The following CCS variants were observed in gnomAD, a reference collection of about 807,000 sequenced individuals.
CCS encodes superoxide dismutase copper chaperone.
CCS carries 32 observed loss-of-function variants against 35.5 expected under a neutral mutation model. That is an observed-to-expected ratio of 0.90 (90% CI 0.68 to 1.21). CCS has a LOEUF of 1.21. Among genes scored for constraint, CCS ranks in the 50% most tolerant of loss-of-function variants. The pLI is 0.00. For missense variants in CCS, 342 were observed against 375.4 expected (o/e 0.91, Z 0.73); for synonymous variants, 130 against 147.2 (o/e 0.88, Z 0.84).
Position 66,605,426 on chromosome 11 carries a change from A to G in CCS, c.567+10A>G. ...GGATGAGCAGCTGAAGGTAAGGTGG[A>G]AAAGAAGGTGGGCACCCTTCCTAAC... On this transcript the variant is annotated intron_variant, in intron 6 of 7. Coordinates refer to ENST00000533244, the MANE Select transcript of CCS (RefSeq NM_005125.2). The G allele has an allele frequency of 1.9e-6, 3 of 1,614,102 alleles. No individual in the cohort carries two copies. The highest frequency in any genetic ancestry group is 2.5e-6 in the Non-Finnish European group (3 of 1,179,960).
chr11:66,605,121 T>C (rs1385658065), intron 5 of CCS: 1 of 1,520,064 alleles, frequency 6.6e-7, no homozygotes, highest in South Asian at 1.2e-5. Flanking sequence ...GTTCAGATGG[T>C]CCGGGACTTC....
intron 2 of CCS, among the ~76,000 whole-genome samples, chr11:66,596,675 C>T (rs549048303): frequency 5.3e-5 from 8 of 152,304 alleles, no homozygotes; most frequent in South Asian, 2.1e-4. Context: ...CCACCGCGCC[C>T]GGCCGACAAC....
At chr11:66,601,879 C>T (rs1246615777) in intron 5 of CCS, among the ~76,000 whole-genome samples, 1 of 151,854 alleles carries the variant, frequency 6.6e-6, no homozygotes, top group Non-Finnish European at 1.5e-5. Context: ...GCCTCTGCCA[C>T]ATTTTTTTTT....
chr11:66,599,502 C>T lies in CCS; in HGVS notation c.294C>T (p.Thr98=), dbSNP rs140142704. 131 of 1,560,726 alleles carry T rather than the reference C, an allele frequency of 8.4e-5. No individual in the cohort carries two copies. The highest frequency in any genetic ancestry group is 6.4e-4 in the African/African-American group (46 of 72,200). The change falls in exon 4 of 8, where the codon ACC becomes ACT. Residue 98 remains threonine (T), a synonymous_variant. Transcript: ENST00000533244. ...TGGCCATCCTGGGGGGGCCTGGCAC[C>T]GTGCAGGGGGTGGTGCGCTTCCTAC... ...AAVAILGGPG[T]VQGVVRFLQL...
At chr11:66,603,282 G>A (rs933538415) in intron 5 of CCS, among the ~76,000 whole-genome samples, 2 of 152,240 alleles carry the variant, frequency 1.3e-5, no homozygotes, top group African/African-American at 2.4e-5. Context: ...CTGCCTTGAG[G>A]CCGCTCCTCC....
chr11:66,598,985 G>C, intron 2 of CCS, 131 bp from the exon 3 acceptor site: 1 of 1,037,076 alleles, frequency 9.6e-7, no homozygotes, highest in Non-Finnish European at 1.5e-6. Context: ...ACACAGTTAC[G>C]AAGTAGCTTG....
intron 2 of CCS, among the ~76,000 whole-genome samples, chr11:66,594,813 C>T (rs1245958397): frequency 2.0e-5 from 3 of 151,108 alleles, no homozygotes; most frequent in South Asian, 4.2e-4. Context: ...CCCAGTCATT[C>T]GGCAGGTATG....
chr11:66,598,919 A>C (rs1208845129), intron 2 of CCS, among the ~76,000 whole-genome samples, 197 bp from the exon 3 acceptor site: 3 of 152,200 alleles, frequency 2.0e-5, no homozygotes, highest in Non-Finnish European at 2.9e-5. Flanking sequence ...AGGTGGCATT[A>C]TCCCCATTTA....
chr11:66,596,458 C>T (rs1858479176), intron 2 of CCS, among the ~76,000 whole-genome samples: 1 of 151,404 alleles, frequency 6.6e-6, no homozygotes, highest in South Asian at 2.1e-4. Context: ...CGGCTCACTG[C>T]AAGCTCCGCC....
intron 2 of CCS, among the ~76,000 whole-genome samples, chr11:66,596,460 A>C (rs2134979095): frequency 6.6e-6 from 1 of 151,108 alleles, no homozygotes; most frequent in East Asian, 2.0e-4. Context: ...GCTCACTGCA[A>C]GCTCCGCCTC....
In CCS at chr11:66,593,831, G is replaced by A. The variant is rs1858426865; in HGVS notation, c.112+117G>A. 1.1e-5 allele frequency: 10 copies of A among 934,000 alleles called. No individual in the cohort carries two copies. In the East Asian group the frequency reaches 2.6e-4, roughly 24 times the overall value. The allele number at this position is 934,000 out of a possible 1,614,324, so 57.9% of individuals were successfully genotyped here. A position where few individuals can be genotyped will look rare whatever the true frequency, so the allele number is the denominator to read the frequency against. ...AGATGCAGAAAGTGAACCCCAGAGA[G>A]TGAAAGGCATGTTCTCAGAGTTACA... is the stretch of plus-strand genomic sequence containing the variant. On this transcript the variant is annotated intron_variant, in intron 2 of 7. Transcript: ENST00000533244.
intron 5 of CCS, among the ~76,000 whole-genome samples, chr11:66,601,387 C>T (rs552958831): frequency 1.3e-3 from 192 of 152,298 alleles, no homozygotes; most frequent in Non-Finnish European, 2.1e-3. Flanking sequence ...CCACTGTGCC[C>T]GGCTCTGACT....
chr11:66,600,239 A>G (rs376229101), intron 4 of CCS: 6 of 355,890 alleles, frequency 1.7e-5, no homozygotes, highest in South Asian at 1.3e-4. Flanking sequence ...TCCCCATGCC[A>G]TGGTGTTTGT....
chr11:66,594,346 GA>G (rs1446435286), intron 2 of CCS, among the ~76,000 whole-genome samples: 3 of 152,080 alleles, frequency 2.0e-5, no homozygotes, highest in Admixed American at 6.5e-5. Context: ...GCAACAGAGT[GA>G]GACTCCGTCT....
intron 5 of CCS, among the ~76,000 whole-genome samples, chr11:66,602,586 C>A (rs1858588943): frequency 6.6e-6 from 1 of 152,362 alleles, no homozygotes; most frequent in East Asian, 1.9e-4. Context: ...TCGCCTCATG[C>A]AGCCTTGAAA....
rs1331010335 is a variant in CCS at position 66,599,209 on chromosome 11, C to T, written c.206C>T (p.Thr69Met). The change falls in exon 3 of 8, where the codon ACG (threonine) becomes ATG (methionine). Residue 69 changes from threonine to methionine, a missense_variant. By Grantham distance (81) the Thr-to-Met change is moderately conservative. Coordinates refer to ENST00000533244, the MANE Select transcript of CCS (RefSeq NM_005125.2). The stretch of plus-strand genomic sequence containing the variant: ...GAGGTGCAGGCTCTCCTGGAAGGCA[C>T]GGGGCGGCAGGCGGTACTCAAGGGC... ...SQEVQALLEG[T>M]GRQAVLKGMG... The T allele has an allele frequency of 1.8e-5, 29 of 1,613,152 alleles. No individual in the cohort carries two copies. Among genetic ancestry groups the T allele is most frequent in the African/African-American group, 4.0e-5 (3 of 74,846 alleles).
Position 66,605,737 on chromosome 11 carries a change from T to TTTTCCAGAACCCC in CCS, c.708_720dup (p.Lys241PhefsTer87). The TTTTCCAGAACCCC allele has an allele frequency of 6.2e-7, 1 of 1,600,982 alleles. No individual in the cohort carries two copies. On this transcript the variant is annotated frameshift_variant, in exon 8 of 8. Coordinates refer to ENST00000533244, the MANE Select transcript of CCS (RefSeq NM_005125.2). LOFTEE classifies it high-confidence loss of function. ...GGCATCATTGCACGCTCCGCTGGCCTTTTCCAGAACCCCAAGCAGATCTGC... is the reference window on the plus strand; with the variant it reads ...GGCATCATTGCACGCTCCGCTGGCCTTTTCCAGAACCCCTTTCCAGAACCCCAAGCAGATCTGC...
In CCS at chr11:66,605,595, G is replaced by A; in HGVS notation, c.671+3G>A. ...ATCACAGGGAACTCCGGGGAGAGGT[G>A]AGTGGTGTCGGCCCCTGTAGGAGGC... is the stretch of plus-strand genomic sequence containing the variant. On this transcript the variant is annotated splice_donor_region_variant and intron_variant, in intron 7 of 7. Transcript: ENST00000533244. 6.2e-7 allele frequency: 1 copy of A among 1,612,526 alleles called. No individual in the cohort carries two copies. The highest frequency in any genetic ancestry group is 8.5e-7 in the Non-Finnish European group (1 of 1,179,168).
rs147502080 is a variant in CCS at position 66,605,821 on chromosome 11, G to T, written c.791G>T (p.Arg264Leu). 2 of 1,589,444 alleles carry T rather than the reference G, an allele frequency of 1.3e-6. No homozygotes were observed. The highest frequency in any genetic ancestry group is 1.7e-6 in the Non-Finnish European group (2 of 1,167,384). The change falls in exon 8 of 8, where the codon CGA becomes CTA. Residue 264 changes from arginine to leucine, a missense_variant. Physicochemically the swap from Arg to Leu is moderately radical, Grantham distance 102. Coordinates refer to ENST00000533244, the MANE Select transcript of CCS (RefSeq NM_005125.2). ...ERGRPIAGKG[R>L]KESAQPPAHL ...GGCCGGCCCATCGCTGGCAAGGGCC[G>T]AAAGGAGTCAGCGCAGCCCCCTGCC...
Sources: allele counts gnomAD v4.1 joint callset (sites outside exome capture counted in the v4.1 genomes callset), GRCh38; gene constraint gnomAD v4.1.1; transcripts MANE v1.5; gene names NCBI Gene and HGNC (gene_info 2026-07-23, HGNC 2026-07-21).